Variants in TRPM3 observed in about 807,000 individuals in gnomAD.
TRPM3 encodes transient receptor potential cation channel subfamily M member 3, also known as long transient receptor potential channel 3.
A neutral mutation model predicts 181.2 loss-of-function variants in TRPM3; 77 were observed. The observed-to-expected ratio is 0.42, with a 90% CI of 0.35 to 0.51. TRPM3 has a LOEUF of 0.51. Among genes scored for constraint, TRPM3 ranks in the 20% least tolerant of loss-of-function variants. TRPM3 has a pLI of 0.01. For synonymous variants in TRPM3, 745 were observed against 796.4 expected, an observed-to-expected ratio of 0.94 and a Z score of 1.09; for missense variants, 1,759 against 2,196.7, an observed-to-expected ratio of 0.80 and a Z score of 3.98.
intron 1 of TRPM3, among the ~76,000 whole-genome samples, chr9:71,245,358 A>T (rs7020698): frequency 6.6e-6 from 1 of 150,844 alleles, no homozygotes; most frequent in Non-Finnish European, 1.5e-5. Flanking sequence ...ACAGGAGAAT[A>T]GCTTGAACCC....
At chr9:71,172,394 C>T (rs1347041064) in intron 1 of TRPM3, among the ~76,000 whole-genome samples, 1 of 152,008 alleles carries the variant, frequency 6.6e-6, no homozygotes, top group Non-Finnish European at 1.5e-5. Context: ...CATTTGCAGC[C>T]AAATAGCAAG....
chr9:71,409,886 A>G (rs181893006), intron 1 of TRPM3, among the ~76,000 whole-genome samples: 1 of 152,326 alleles, frequency 6.6e-6, no homozygotes, highest in Admixed American at 6.5e-5. Context: ...AATGTAAAAG[A>G]AAGGAAATCA....
rs117303276 is a variant in TRPM3, at chr9:70,917,241, G to A, written c.178-52730C>T. ...GCAAAATACAGGGCAATAGCAGTGA[G>A]TGCATCAGTTATCATAAACACCAAT... On this transcript the variant is annotated intron_variant, in intron 1 of 25. Coordinates refer to ENST00000677713, the MANE Select transcript of TRPM3 (RefSeq NM_001366145.2). 6.8e-3 allele frequency: 10,714 copies of A among 1,565,054 alleles called. 53 individuals carry two copies. The highest frequency in any genetic ancestry group is 7.8e-3 in the Non-Finnish European group (8,906 of 1,136,542).
At chr9:71,255,218 A>G (rs1005710839) in intron 1 of TRPM3, among the ~76,000 whole-genome samples, 1 of 152,196 alleles carries the variant, frequency 6.6e-6, no homozygotes, top group African/African-American at 2.4e-5. Flanking sequence ...AGCTTCCACA[A>G]ATGTTGAAGA....
chr9:71,392,122 A>G (rs1306264412), intron 1 of TRPM3, among the ~76,000 whole-genome samples: 1 of 152,126 alleles, frequency 6.6e-6, no homozygotes, highest in Non-Finnish European at 1.5e-5. Context: ...AAATATGACA[A>G]TGAAAATTAG....
chr9:70,593,991 C>G (rs1195601031), intron 21 of TRPM3, among the ~76,000 whole-genome samples: 4 of 147,052 alleles, frequency 2.7e-5, no homozygotes, highest in Non-Finnish European at 6.0e-5. Context: ...AGTGGTTAAA[C>G]ACATGTACTT....
At chr9:70,990,708 G>A (rs186411272) in intron 1 of TRPM3, among the ~76,000 whole-genome samples, 23 of 152,160 alleles carry the variant, frequency 1.5e-4, no homozygotes, top group Admixed American at 3.3e-4. Flanking sequence ...CATACATGTG[G>A]TTAAAAATAA....
intron 1 of TRPM3, among the ~76,000 whole-genome samples, chr9:70,928,953 G>A (rs62543183): frequency 0.16 from 24,347 of 152,060 alleles, 2,535 homozygotes; most frequent in East Asian, 0.34. Flanking sequence ...ACAGCATAAA[G>A]TTTGATGTGC....
intron 6 of TRPM3, among the ~76,000 whole-genome samples, chr9:70,790,704 G>C (rs1445321752): frequency 6.6e-6 from 1 of 152,124 alleles, no homozygotes; most frequent in Non-Finnish European, 1.5e-5. Flanking sequence ...CTCTTCTGTG[G>C]TCTGGAAAGT....
intron 22 of TRPM3, among the ~76,000 whole-genome samples, chr9:70,587,748 A>C (rs2057382936): frequency 6.6e-6 from 1 of 152,226 alleles, no homozygotes; most frequent in South Asian, 2.1e-4. Flanking sequence ...CCAGGGCCTA[A>C]GTTGTTTCAT....
At chr9:71,331,736 A>G (rs12554561) in intron 1 of TRPM3, among the ~76,000 whole-genome samples, 14 of 113,352 alleles carry the variant, frequency 1.2e-4, no homozygotes, top group Non-Finnish European at 2.3e-4. Context: ...GGAGGAGAAA[A>G]AGGAGGAGGA....
chr9:71,432,283 C>A (rs187929054), intron 1 of TRPM3, among the ~76,000 whole-genome samples: 1 of 151,226 alleles, frequency 6.6e-6, no homozygotes, highest in South Asian at 2.1e-4. Context: ...TGTTTTCTGT[C>A]CCCCAACTGT....
At chr9:71,060,982 T>C (rs544606055) in intron 1 of TRPM3, among the ~76,000 whole-genome samples, 1 of 152,196 alleles carries the variant, frequency 6.6e-6, no homozygotes, top group Non-Finnish European at 1.5e-5. Flanking sequence ...ACTCTGAAAT[T>C]AAGAAAAAAG....
chr9:70,787,763 C>CTTTTTTTTTTTTTTTTTTTTTCTGTTTT (rs2084071076), intron 6 of TRPM3, among the ~76,000 whole-genome samples: 1 of 68,558 alleles, frequency 1.5e-5, no homozygotes, highest in Non-Finnish European at 2.6e-5. Flanking sequence ...TTTTTGGATT[C>CTTTTTTTTTTTTTTTTTTTTTCTGTTTT]TTTTTTTTTT....
intron 1 of TRPM3, among the ~76,000 whole-genome samples, chr9:70,994,601 C>T (rs1564925410): frequency 2.0e-5 from 3 of 151,888 alleles, no homozygotes; most frequent in Admixed American, 6.6e-5. Context: ...CACATTGATA[C>T]GTATGCCCAG....
At chr9:71,365,921 C>A (rs1397408518) in intron 1 of TRPM3, among the ~76,000 whole-genome samples, 1 of 151,712 alleles carries the variant, frequency 6.6e-6, no homozygotes, top group Non-Finnish European at 1.5e-5. Flanking sequence ...TAATAGTATA[C>A]CCACATGATA....
intron 1 of TRPM3, among the ~76,000 whole-genome samples, chr9:70,875,926 G>A (rs1027998186): frequency 6.6e-6 from 1 of 151,752 alleles, no homozygotes; most frequent in Non-Finnish European, 1.5e-5. Context: ...ATATATTTCT[G>A]GCTGATAGGC....
chr9:71,385,863 C>T (rs764059548), intron 1 of TRPM3, among the ~76,000 whole-genome samples: 1 of 151,862 alleles, frequency 6.6e-6, no homozygotes, highest in Non-Finnish European at 1.5e-5. Context: ...CACCAACACA[C>T]CTGGCTAATT....
At chr9:71,048,625 C>T (rs571960699) in intron 1 of TRPM3, among the ~76,000 whole-genome samples, 5 of 152,296 alleles carry the variant, frequency 3.3e-5, no homozygotes, top group African/African-American at 2.4e-5. Context: ...GAAGGTAGAA[C>T]CATGTTCCAC....
Sources: allele counts gnomAD v4.1 joint callset (sites outside exome capture counted in the v4.1 genomes callset), GRCh38; gene constraint gnomAD v4.1.1; transcripts MANE v1.5; gene names NCBI Gene and HGNC (gene_info 2026-07-23, HGNC 2026-07-21).